CSMD3: variants seen among roughly 807,000 people sequenced by gnomAD.
CSMD3 encodes the protein CUB and Sushi multiple domains 3, also known as CUB and sushi domain-containing protein 3.
Under a neutral mutation model 435.2 loss-of-function variants are expected in CSMD3, and 177 were observed. The observed-to-expected ratio is 0.41, with a 90% CI of 0.36 to 0.46. CSMD3 has a LOEUF of 0.46. CSMD3 is among the 20% of genes least tolerant of loss of function. The pLI is 0.34. For synonymous variants in CSMD3, 1,656 were observed against 1,520.5 expected (o/e 1.09, Z -2.07); for missense variants, 4,265 against 4,504.6 (o/e 0.95, Z 1.52).
intron 7 of CSMD3, among the ~76,000 whole-genome samples, chr8:112,962,293 AATG>A (rs1449481877): frequency 3.3e-5 from 5 of 151,850 alleles, no homozygotes; most frequent in Admixed American, 2.0e-4. Flanking sequence ...TAACATGAAA[AATG>A]ATAACTAATA....
chr8:112,695,578 A>G (rs2076233816), intron 13 of CSMD3, among the ~76,000 whole-genome samples: 1 of 152,214 alleles, frequency 6.6e-6, no homozygotes, highest in South Asian at 2.1e-4. Flanking sequence ...GATGGGACGT[A>G]TCTAAAAATA....
chr8:113,112,414 T>C (rs1202502917), intron 4 of CSMD3, among the ~76,000 whole-genome samples: 2 of 7,844 alleles, frequency 2.5e-4, no homozygotes, highest in Non-Finnish European at 4.1e-4. Context: ...TATATATATA[T>C]ATATATATAT....
At position 113,095,565 on chromosome 8, in the gene CSMD3, T is replaced by C. The variant is rs998441983; in HGVS notation, c.917+3191A>G. ...ATTTGACAACTGGCCAATTCCATTA[T>C]AATTTTTTCTTTTGGTTTCCAGGAA... On this transcript the variant is annotated intron_variant, in intron 5 of 70. Coordinates refer to ENST00000297405, the MANE Select transcript of CSMD3 (RefSeq NM_198123.2). Among the ~76,000 whole-genome samples the C allele has an allele frequency of 2.0e-5, 3 of 152,196 alleles. No individual in the cohort carries two copies. In the East Asian group the frequency reaches 5.8e-4, roughly 29 times the overall value.
chr8:112,419,132 A>T (rs1695534587), intron 32 of CSMD3, among the ~76,000 whole-genome samples: 1 of 152,182 alleles, frequency 6.6e-6, no homozygotes, highest in Admixed American at 6.6e-5. Context: ...GAAAACTTTT[A>T]TATTTTCTAC....
chr8:113,100,013 G>A (rs936379482), intron 4 of CSMD3, among the ~76,000 whole-genome samples: 2 of 152,044 alleles, frequency 1.3e-5, no homozygotes, highest in Non-Finnish European at 2.9e-5. Flanking sequence ...CTAAACAAAT[G>A]GAGATGGACA....
intron 63 of CSMD3, among the ~76,000 whole-genome samples, chr8:112,249,426 T>C: frequency 6.6e-6 from 1 of 152,078 alleles, no homozygotes; most frequent in South Asian, 2.1e-4. Flanking sequence ...TCCATGAATC[T>C]ATATTTCCAA....
chr8:112,667,732 G>A (rs575074649), intron 16 of CSMD3, among the ~76,000 whole-genome samples: 30 of 152,150 alleles, frequency 2.0e-4, no homozygotes, highest in African/African-American at 6.7e-4. Context: ...AGGAAAGAGT[G>A]TTTAAGATGT....
chr8:112,639,989 A>G (rs2074777884), intron 20 of CSMD3, among the ~76,000 whole-genome samples: 1 of 152,144 alleles, frequency 6.6e-6, no homozygotes, highest in African/African-American at 2.4e-5. Context: ...GTTCTGCTTT[A>G]ACAAATACTG....
chr8:112,446,091 G>C (rs542673652), intron 32 of CSMD3, among the ~76,000 whole-genome samples: 9 of 152,270 alleles, frequency 5.9e-5, no homozygotes, highest in Middle Eastern at 6.8e-3. Context: ...GACTCAGAGA[G>C]ATCAATGAAC....
intron 5 of CSMD3, among the ~76,000 whole-genome samples, chr8:113,076,803 A>C (rs2089357117): frequency 1.3e-5 from 2 of 152,140 alleles, no homozygotes; most frequent in African/African-American, 4.8e-5. Flanking sequence ...TTGTATGGTA[A>C]AGTCAAGGTA....
At chr8:112,909,913 T>A (rs2082360910) in intron 10 of CSMD3, among the ~76,000 whole-genome samples, 1 of 151,832 alleles carries the variant, frequency 6.6e-6, no homozygotes, top group Non-Finnish European at 1.5e-5. Context: ...CTGCTTCAAC[T>A]CAGTGACCTC....
intron 1 of CSMD3, among the ~76,000 whole-genome samples, chr8:113,364,759 C>T (rs1022486579): frequency 2.6e-5 from 4 of 151,878 alleles, no homozygotes; most frequent in African/African-American, 7.2e-5. Flanking sequence ...GTTGTGGCTG[C>T]GTTACTCATT....
intron 23 of CSMD3, among the ~76,000 whole-genome samples, chr8:112,582,271 A>G (rs537757587): frequency 6.6e-6 from 1 of 152,002 alleles, no homozygotes; most frequent in Non-Finnish European, 1.5e-5. Flanking sequence ...TTCTGCCACA[A>G]TTGTGAGCTT....
chr8:113,415,913 G>A (rs2094579989), intron 1 of CSMD3, among the ~76,000 whole-genome samples: 1 of 151,860 alleles, frequency 6.6e-6, no homozygotes, highest in South Asian at 2.1e-4. Flanking sequence ...TGTATATATG[G>A]CCTACCGTAT....
chr8:112,760,559 A>C (rs1360136407), intron 13 of CSMD3, among the ~76,000 whole-genome samples: 1 of 152,216 alleles, frequency 6.6e-6, no homozygotes, highest in Non-Finnish European at 1.5e-5. Flanking sequence ...AAGATTTATA[A>C]TATTTGCTAA....
At chr8:112,863,492 A>C (rs2080883174) in intron 10 of CSMD3, among the ~76,000 whole-genome samples, 1 of 151,972 alleles carries the variant, frequency 6.6e-6, no homozygotes, top group Non-Finnish European at 1.5e-5. Context: ...CCTTTTTCTT[A>C]ATATTGACCT....
chr8:112,692,951 A>G (rs1414293045), intron 13 of CSMD3, among the ~76,000 whole-genome samples: 2 of 151,548 alleles, frequency 1.3e-5, no homozygotes, highest in East Asian at 1.9e-4. Flanking sequence ...CTATCTATCT[A>G]TCTATCTATC....
intron 32 of CSMD3, among the ~76,000 whole-genome samples, chr8:112,438,400 G>A (rs539925130): frequency 1.5e-4 from 23 of 152,240 alleles, no homozygotes; most frequent in African/African-American, 5.1e-4. Context: ...TGAGTTCACT[G>A]TCAACTTCTC....
chr8:112,476,308 A>T (rs1228479066), intron 31 of CSMD3, among the ~76,000 whole-genome samples: 1 of 152,092 alleles, frequency 6.6e-6, no homozygotes, highest in East Asian at 1.9e-4. Flanking sequence ...GGCCTCTTAG[A>T]GTGCTGGGAT....
Sources: allele counts gnomAD v4.1 joint callset (sites outside exome capture counted in the v4.1 genomes callset), GRCh38; gene constraint gnomAD v4.1.1; transcripts MANE v1.5; gene names NCBI Gene and HGNC (gene_info 2026-07-23, HGNC 2026-07-21).